Variants in SORCS1 observed in about 807,000 individuals in gnomAD.
SORCS1 encodes the protein VPS10 domain-containing receptor SorCS1.
Under a neutral mutation model 146.1 loss-of-function variants are expected in SORCS1, and 60 were observed. That is an observed-to-expected ratio of 0.41 (90% confidence interval 0.33 to 0.51). The LOEUF is 0.51. SORCS1 is among the 20% of genes least tolerant of loss of function. The pLI is 0.21. For synonymous variants in SORCS1, 637 were observed against 584.0 expected (o/e 1.09, Z -1.31); for missense variants, 1,352 against 1,487.6 (o/e 0.91, Z 1.50).
chr10:106,739,778 C>T (rs767144650), intron 5 of SORCS1, among the ~76,000 whole-genome samples: 3 of 151,654 alleles, frequency 2.0e-5, no homozygotes, highest in East Asian at 3.9e-4. Flanking sequence ...GGTGAAACCC[C>T]GTCTCTACTA....
intron 5 of SORCS1, among the ~76,000 whole-genome samples, chr10:106,753,678 T>C (rs1387783922): frequency 6.8e-6 from 1 of 147,582 alleles, no homozygotes; most frequent in Non-Finnish European, 1.5e-5. Context: ...ATAGGCCAGG[T>C]ATATTAAAAA....
In SORCS1 at chr10:107,161,015, C is replaced by CA. The variant is rs1969661312; in HGVS notation, c.558+2953dup. On this transcript the variant is annotated intron_variant, in intron 1 of 25. Transcript: ENST00000263054. ...CACCTTTCATGCCAGAAGATCCCCC[C>CA]AGGTGTTCCACCAACTCTAGCAACA... Among the ~76,000 whole-genome samples, 3 of 152,150 alleles carry CA rather than the reference C, an allele frequency of 2.0e-5. 1 individual carries two copies. The highest frequency in any genetic ancestry group is 4.1e-4 in the South Asian group (2 of 4,832).
chr10:106,761,648 G>A lies in SORCS1; in HGVS notation c.899C>T (p.Ala300Val), dbSNP rs1859118486. ...YSQDQKLYSSAEFGRRWQLIQ... is the reference protein window; with the variant it reads ...YSQDQKLYSSVEFGRRWQLIQ... ...AAGCTGCCATCTTCTCCCAAATTCAGCAGAGCTGTATAACTGTAAAGAACA... is the reference window on the plus strand; with the variant it reads ...AAGCTGCCATCTTCTCCCAAATTCAACAGAGCTGTATAACTGTAAAGAACA... Residue 300 changes from alanine to valine, a missense_variant, in exon 5 of 26, where the codon GCT (alanine) becomes GTT (valine). Ala to Val is a moderately conservative substitution (Grantham distance 64). This residue lies in a region of SORCS1 where 490 missense variants were observed against 489.1 expected (regional missense o/e 1.00). Coordinates refer to ENST00000263054, the MANE Select transcript of SORCS1 (RefSeq NM_052918.5). 1 of 1,614,098 alleles carries A rather than the reference G, an allele frequency of 6.2e-7. No homozygotes were observed. The highest frequency in any genetic ancestry group is 8.5e-7 in the Non-Finnish European group (1 of 1,180,004).
intron 1 of SORCS1, among the ~76,000 whole-genome samples, chr10:107,068,951 A>G (rs933924390): frequency 6.6e-6 from 1 of 152,110 alleles, no homozygotes; most frequent in Non-Finnish European, 1.5e-5. Flanking sequence ...ACAATAAGCA[A>G]TTATATATAT....
chr10:106,913,161 A>G (rs558554439), intron 2 of SORCS1, among the ~76,000 whole-genome samples: 1 of 152,190 alleles, frequency 6.6e-6, no homozygotes, highest in Non-Finnish European at 1.5e-5. Flanking sequence ...CTCCATGTCA[A>G]TTCTCTTCAG....
At chr10:106,946,051 T>C (rs1003963099) in intron 2 of SORCS1, among the ~76,000 whole-genome samples, 8 of 152,206 alleles carry the variant, frequency 5.3e-5, no homozygotes, top group Non-Finnish European at 2.9e-5. Flanking sequence ...ATGCTCTTCT[T>C]CTTTGACAGC....
intron 3 of SORCS1, among the ~76,000 whole-genome samples, chr10:106,817,187 C>G (rs1273394372): frequency 1.3e-5 from 2 of 152,298 alleles, no homozygotes; most frequent in Non-Finnish European, 2.9e-5. Context: ...TTCCCCAGCA[C>G]AAGTTCAGCT....
chr10:107,093,107 G>A (rs927148663), intron 1 of SORCS1, among the ~76,000 whole-genome samples: 5 of 152,078 alleles, frequency 3.3e-5, no homozygotes, highest in African/African-American at 4.8e-5. Flanking sequence ...TTGCTAGTAA[G>A]CACTCAAACT....
chr10:106,910,013 T>C (rs548218510), intron 2 of SORCS1, among the ~76,000 whole-genome samples: 14 of 152,216 alleles, frequency 9.2e-5, no homozygotes, highest in Non-Finnish European at 1.8e-4. Flanking sequence ...CTTACCTACA[T>C]ACTGGAATTT....
chr10:106,703,836 C>T (rs1243691001), intron 8 of SORCS1, among the ~76,000 whole-genome samples: 1 of 152,130 alleles, frequency 6.6e-6, no homozygotes, highest in Non-Finnish European at 1.5e-5. Context: ...AATCTCATTG[C>T]CTTAAATAAT....
At chr10:107,052,283 C>T (rs930603320) in intron 1 of SORCS1, among the ~76,000 whole-genome samples, 2 of 152,162 alleles carry the variant, frequency 1.3e-5, no homozygotes, top group Admixed American at 6.6e-5. Flanking sequence ...GATGACACTC[C>T]AGTCCAAATC....
chr10:106,939,300 A>G (rs1468468701), intron 2 of SORCS1, among the ~76,000 whole-genome samples: 1 of 152,238 alleles, frequency 6.6e-6, no homozygotes, highest in East Asian at 1.9e-4. Context: ...TAATGCAATG[A>G]ATATAAATTT....
chr10:106,884,091 T>C (rs1365763606), intron 2 of SORCS1, among the ~76,000 whole-genome samples: 3 of 152,186 alleles, frequency 2.0e-5, no homozygotes, highest in African/African-American at 4.8e-5. Context: ...TGTAAAAACT[T>C]ACTCTGTCTT....
intron 2 of SORCS1, among the ~76,000 whole-genome samples, chr10:106,861,261 A>AT (rs1211605208): frequency 6.6e-6 from 1 of 151,928 alleles, no homozygotes; most frequent in Non-Finnish European, 1.5e-5. Context: ...TTAGCCAGGC[A>AT]TGGTGGCATG....
At chr10:106,725,826 G>A (rs990262924) in intron 6 of SORCS1, among the ~76,000 whole-genome samples, 6 of 145,730 alleles carry the variant, frequency 4.1e-5, no homozygotes, top group Non-Finnish European at 7.6e-5. Context: ...AGCTCCTTGG[G>A]AGGCTGAGGC....
At chr10:106,778,454 G>T (rs377212859) in intron 3 of SORCS1, among the ~76,000 whole-genome samples, 1 of 151,962 alleles carries the variant, frequency 6.6e-6, no homozygotes. Flanking sequence ...TCAGATGGCC[G>T]ACAAGGAGCC....
chr10:106,676,315 A>C (rs1166318245), intron 13 of SORCS1, among the ~76,000 whole-genome samples: 1 of 152,234 alleles, frequency 6.6e-6, no homozygotes, highest in Non-Finnish European at 1.5e-5. Flanking sequence ...ACGCACAGGC[A>C]GAATTGTGGA....
intron 2 of SORCS1, among the ~76,000 whole-genome samples, chr10:106,913,545 TTCTA>T (rs1952266385): frequency 6.6e-6 from 1 of 152,206 alleles, no homozygotes; most frequent in South Asian, 2.1e-4. Flanking sequence ...TGCAACTTAA[TTCTA>T]TCTATTAAGG....
chr10:106,780,977 C>CTT (rs3045084), intron 3 of SORCS1, among the ~76,000 whole-genome samples: 1 of 146,082 alleles, frequency 6.8e-6, no homozygotes, highest in African/African-American at 2.5e-5. Context: ...GTCACTTCTC[C>CTT]TTTTTTTTTT....
Sources: gnomAD v4.1 joint callset for allele counts (sites outside exome capture counted in the v4.1 genomes callset) on GRCh38, gnomAD v4.1.1 for gene constraint, gnomAD v4.1.1 regional missense constraint, MANE v1.5 for transcripts, NCBI Gene and HGNC (gene_info 2026-07-23, HGNC 2026-07-21) for gene names.